PGAM1: variants seen among roughly 807,000 people sequenced by gnomAD.
PGAM1 encodes BPG-dependent PGAM 1.
A neutral mutation model predicts 23.5 loss-of-function variants in PGAM1; 21 were observed. That is an observed-to-expected ratio of 0.89 (90% CI 0.63 to 1.29). PGAM1 has a LOEUF of 1.29. Among genes scored for constraint, PGAM1 ranks in the 50% most tolerant of loss-of-function variants. The pLI, the probability that PGAM1 is intolerant of heterozygous loss-of-function variation, is 0.00. For synonymous variants in PGAM1, 109 were observed against 128.6 expected (o/e 0.85, Z 1.03); for missense variants, 232 against 336.3 (o/e 0.69, Z 2.42).
Position 97,432,336 on chromosome 10 carries a change from T to C in PGAM1, c.596-19T>C. The C allele has an allele frequency of 1.2e-6, 2 of 1,612,092 alleles. No individual in the cohort carries two copies. Among genetic ancestry groups the C allele is most frequent in the Non-Finnish European group, 1.7e-6 (2 of 1,179,916 alleles). The stretch of plus-strand genomic sequence containing the variant: ...GTGGATTTATGTCTTGTGTGGCTGA[T>C]GATGGTGGATGTTTTCAGGTCTCTC... On this transcript the variant is annotated intron_variant, in intron 3 of 3. Transcript: ENST00000334828.
chr10:97,431,193 T>C, intron 3 of PGAM1, 58 bp downstream of exon 3: 1 of 1,601,658 alleles, frequency 6.2e-7, no homozygotes, highest in Non-Finnish European at 8.6e-7. Context: ...CTGCCACAAA[T>C]CAGGGACTTG....
Position 97,426,277 on chromosome 10 carries a change from C to A in PGAM1, c.-31C>A. 1.2e-6 allele frequency: 2 copies of A among 1,609,810 alleles called. No homozygotes were observed. The highest frequency in any genetic ancestry group is 1.7e-6 in the Non-Finnish European group (2 of 1,179,144). On this transcript the variant is annotated 5_prime_UTR_variant, in exon 1 of 4. Coordinates refer to ENST00000334828, the MANE Select transcript of PGAM1 (RefSeq NM_002629.4). ...GCTGCTACTCCGGAATCTGCTAATC[C>A]CAGTCGGTGCCGCATCCCCAGCCCG...
chr10:97,430,083 C>A (rs1045389880), intron 1 of PGAM1, among the ~76,000 whole-genome samples: 1 of 150,830 alleles, frequency 6.6e-6, no homozygotes, highest in Non-Finnish European at 1.5e-5. Context: ...AGTGACAGTT[C>A]TAACTGAAAT....
In PGAM1 at chr10:97,427,558, TG is replaced by T. The variant is rs1383764250; in HGVS notation, c.139+1113del. On this transcript the variant is annotated intron_variant, in intron 1 of 3. Coordinates refer to ENST00000334828, the MANE Select transcript of PGAM1 (RefSeq NM_002629.4). ...CCAGTGTCCTCGCCCTAGTCCTGGG[TG>T]AAGTAACAGGTAGGTGTGAGGAACT... 1.7e-5 allele frequency: 19 copies of T among 1,147,520 alleles called. No individual in the cohort carries two copies. The African/African-American group carries it at 2.8e-4, about 17-fold the overall frequency. The allele number at this position is 1,147,520 out of a possible 1,614,324, so 71.1% of individuals were successfully genotyped here. A position where few individuals can be genotyped will look rare whatever the true frequency, so the allele number is the denominator to read the frequency against.
intron 1 of PGAM1, among the ~76,000 whole-genome samples, chr10:97,426,722 C>T (rs1165469233): frequency 2.0e-5 from 3 of 152,246 alleles, no homozygotes; most frequent in East Asian, 1.9e-4. Flanking sequence ...TTTTCCCTTT[C>T]TAGTCTGAAC....
intron 1 of PGAM1, among the ~76,000 whole-genome samples, chr10:97,426,817 T>TG (rs751314629): frequency 7.9e-5 from 12 of 152,190 alleles, no homozygotes; most frequent in Non-Finnish European, 1.0e-4. Context: ...GTGGATCACT[T>TG]GCGGTCAGGA....
intron 1 of PGAM1, chr10:97,427,514 G>A (rs1845423576): frequency 1.9e-6 from 2 of 1,072,518 alleles, no homozygotes; most frequent in African/African-American, 1.7e-5. Flanking sequence ...CTTGTCCAAG[G>A]TCATATCTGA....
intron 1 of PGAM1, chr10:97,427,904 A>C: frequency 7.8e-7 from 1 of 1,287,608 alleles, no homozygotes; most frequent in Non-Finnish European, 1.0e-6. Context: ...TCCTTCTCAA[A>C]TGAAGCAAAA....
chr10:97,430,478 C>T lies in PGAM1; in HGVS notation c.239C>T (p.Pro80Leu), dbSNP rs766680997. Residue 80 changes from proline to leucine, a missense_variant, in exon 2 of 4, where the codon CCA becomes CTA. Around this residue, in one of 3 missense-constraint regions of PGAM1, gnomAD observed 191 missense variants for 241.7 expected, o/e 0.79. Coordinates refer to ENST00000334828, the MANE Select transcript of PGAM1 (RefSeq NM_002629.4). ...VLDAIDQMWL[P>L]VVRTWRLNER... ...GATGCCATTGATCAGATGTGGCTGC[C>T]AGTGGTGAGGACTTGGCGCCTCAAT... 4.4e-6 allele frequency: 7 copies of T among 1,604,244 alleles called. No homozygotes were observed. Among genetic ancestry groups the T allele is most frequent in the African/African-American group, 2.7e-5 (2 of 74,944 alleles).
intron 1 of PGAM1, chr10:97,427,134 T>C (rs1589455207): frequency 4.6e-6 from 1 of 217,428 alleles, no homozygotes. Context: ...CCAGAAGCGG[T>C]TGGTACAGTC....
chr10:97,429,059 T>C (rs1418739053), intron 1 of PGAM1, among the ~76,000 whole-genome samples: 2 of 150,176 alleles, frequency 1.3e-5, no homozygotes, highest in African/African-American at 2.4e-5. Flanking sequence ...GGGTGAATAA[T>C]CTTTAATGAA....
In PGAM1 at chr10:97,426,210, G is replaced by T; in HGVS notation, c.-98G>T. The T allele has an allele frequency of 1.3e-6, 2 of 1,569,976 alleles. No individual in the cohort carries two copies. Among genetic ancestry groups the T allele is most frequent in the Admixed American group, 3.4e-5 (2 of 58,132 alleles). ...TTGGGCGAGAACTTGCGCGGGAGCCGGACTGAGCGGTGCGAGCGCGCAGGC... is the reference window on the plus strand; with the variant it reads ...TTGGGCGAGAACTTGCGCGGGAGCCTGACTGAGCGGTGCGAGCGCGCAGGC... On this transcript the variant is annotated 5_prime_UTR_variant, in exon 1 of 4. Transcript: ENST00000334828.
At chr10:97,426,949 G>A (rs1008383818) in intron 1 of PGAM1, among the ~76,000 whole-genome samples, 1 of 152,218 alleles carries the variant, frequency 6.6e-6, no homozygotes, top group African/African-American at 2.4e-5. Context: ...CAGGAGAATC[G>A]CTTGAACCCG....
rs774749483 is a variant in PGAM1 at position 97,430,623 on chromosome 10, C to T, written c.384C>T (p.Pro128=). The T allele has an allele frequency of 1.3e-5, 21 of 1,602,624 alleles. No homozygotes were observed. The highest frequency in any genetic ancestry group is 8.0e-5 in the African/African-American group (6 of 74,876). ...SYDVPPPPME[P]DHPFYSNISK... is the part of the protein sequence containing the mutation. Reference sequence around the variant, plus strand: ...ATGTCCCACCACCTCCGATGGAGCCCGACCATCCTTTCTACAGCAACATCA... The same window carrying T: ...ATGTCCCACCACCTCCGATGGAGCCTGACCATCCTTTCTACAGCAACATCA... Residue 128 remains proline (P), a synonymous_variant, in exon 2 of 4, where the codon CCC becomes CCT. Transcript: ENST00000334828.
At chr10:97,427,291 G>C (rs1845421330) in intron 1 of PGAM1, 1 of 986,546 alleles carries the variant, frequency 1.0e-6, no homozygotes, top group East Asian at 1.1e-4. Context: ...ACAAGCCTCA[G>C]AACACCAAGA....
Position 97,430,427 on chromosome 10 carries a change from C to T in PGAM1, c.188C>T (p.Ala63Val), listed in dbSNP as rs559703869. The change falls in exon 2 of 4, where the codon GCG (alanine) becomes GTG (valine). Residue 63 changes from alanine (A) to valine (V), a missense_variant. By Grantham distance (64) the Ala-to-Val change is moderately conservative. Coordinates refer to ENST00000334828, the MANE Select transcript of PGAM1 (RefSeq NM_002629.4). ...DICFTSVQKR[A>V]IRTLWTVLDA... is the part of the protein sequence containing the mutation. ...TGCTTCACCTCAGTGCAGAAGAGAGCGATCCGGACCCTCTGGACAGTGCTA... is the reference window on the plus strand; with the variant it reads ...TGCTTCACCTCAGTGCAGAAGAGAGTGATCCGGACCCTCTGGACAGTGCTA... 3.2e-5 allele frequency: 52 copies of T among 1,610,240 alleles called. No individual in the cohort carries two copies. Among genetic ancestry groups the T allele is most frequent in the African/African-American group, 1.2e-4 (9 of 74,816 alleles).
Position 97,426,268 on chromosome 10 carries a change from C to A in PGAM1, c.-40C>A. ...ACGGGGCGGGCTGCTACTCCGGAAT[C>A]TGCTAATCCCAGTCGGTGCCGCATC... On this transcript the variant is annotated 5_prime_UTR_variant, in exon 1 of 4. The change creates a new upstream start codon in the 5' untranslated region. Coordinates refer to ENST00000334828, the MANE Select transcript of PGAM1 (RefSeq NM_002629.4). 1.2e-6 allele frequency: 2 copies of A among 1,609,690 alleles called. No individual in the cohort carries two copies. The highest frequency in any genetic ancestry group is 1.7e-6 in the Non-Finnish European group (2 of 1,179,056).
At chr10:97,428,442 C>T (rs1845434587) in intron 1 of PGAM1, among the ~76,000 whole-genome samples, 1 of 152,166 alleles carries the variant, frequency 6.6e-6, no homozygotes, top group Non-Finnish European at 1.5e-5. Flanking sequence ...ACTCCTACCC[C>T]TGTGAGTGCC....
chr10:97,428,238 AAATT>A (rs1845432624), intron 1 of PGAM1, among the ~76,000 whole-genome samples: 1 of 152,246 alleles, frequency 6.6e-6, no homozygotes, highest in South Asian at 2.1e-4. Context: ...ACAGTATAGA[AAATT>A]AAAAGATTTA....
Sources: gnomAD v4.1 joint callset for allele counts (sites outside exome capture counted in the v4.1 genomes callset) on GRCh38, gnomAD v4.1.1 for gene constraint, gnomAD v4.1.1 regional missense constraint, MANE v1.5 for transcripts, NCBI Gene and HGNC (gene_info 2026-07-23, HGNC 2026-07-21) for gene names.